The following RASA1 variants were observed in gnomAD, a reference collection of about 807,000 sequenced individuals.
RASA1 encodes ras GTPase-activating protein 1.
RASA1 carries 25 observed loss-of-function variants against 132.2 expected under a neutral mutation model. That is an observed-to-expected ratio of 0.19 (90% CI 0.14 to 0.26). The LOEUF (loss-of-function observed/expected upper bound fraction) is 0.26. Among genes scored for constraint, RASA1 ranks in the 10% least tolerant of loss-of-function variants. RASA1 has a pLI of 1.00. For missense variants in RASA1, 964 were observed against 1,299.2 expected, an observed-to-expected ratio of 0.74 and a Z score of 3.97; for synonymous variants, 477 against 449.9, an observed-to-expected ratio of 1.06 and a Z score of -0.76.
chr5:87,379,670 T>A (rs1761571854), intron 18 of RASA1, 65 bp from the exon 19 acceptor site: 1 of 1,581,678 alleles, frequency 6.3e-7, no homozygotes, highest in Non-Finnish European at 8.6e-7. Context: ...ACTACTTGTT[T>A]TCCTCTATTC....
chr5:87,268,594 C>T lies in RASA1; in HGVS notation c.143C>T (p.Pro48Leu). ...GCGGCCCTGCCTGTGGCAGCCGCCC[C>T]CTATCCTGGGCTGGTGGAGACCGGA... ...IPAALPVAAA[P>L]YPGLVETGVA... Residue 48 changes from proline to leucine, a missense_variant, in exon 1 of 25, where the codon CCC becomes CTC. By Grantham distance (98) the Pro-to-Leu change is moderately conservative. This residue lies in a region of RASA1 where 326 missense variants were observed against 275.8 expected (regional missense o/e 1.18). Coordinates refer to ENST00000274376, the MANE Select transcript of RASA1 (RefSeq NM_002890.3). The T allele has an allele frequency of 1.2e-6, 2 of 1,611,106 alleles. No homozygotes were observed. Among genetic ancestry groups the T allele is most frequent in the South Asian group, 1.1e-5 (1 of 90,658 alleles).
At chr5:87,383,842 T>C (rs1341393920) in intron 21 of RASA1, 62 bp downstream of exon 21, 3 of 1,370,980 alleles carry the variant, frequency 2.2e-6, no homozygotes, top group Admixed American at 1.8e-5. Flanking sequence ...TCATACTATT[T>C]AAGAATACTC....
At chr5:87,273,684 TTTTC>T (rs1047011223) in intron 1 of RASA1, among the ~76,000 whole-genome samples, 5 of 151,194 alleles carry the variant, frequency 3.3e-5, no homozygotes, top group African/African-American at 4.9e-5. Context: ...TAGAGATTTC[TTTTC>T]TTTTTCTTTT....
rs113499653 is a variant in RASA1, at chr5:87,351,112, G to A, written c.1253+1748G>A. On this transcript the variant is annotated intron_variant, in intron 8 of 24. Transcript: ENST00000274376. ...TAAACATGAGACCTTGATAAAGAGG[G>A]ATAGTAGTTATGTCTTTCATTTAGA... Among the ~76,000 whole-genome samples the A allele has an allele frequency of 1.4e-3, 215 of 151,442 alleles. 1 individual carries two copies. The highest frequency in any genetic ancestry group is 5.0e-3 in the African/African-American group (205 of 41,406).
chr5:87,337,856 C>G (rs1758085368), intron 4 of RASA1, 118 bp from the exon 5 acceptor site: 2 of 1,121,690 alleles, frequency 1.8e-6, no homozygotes, highest in Non-Finnish European at 2.4e-6. Flanking sequence ...GTGTTTGACT[C>G]TAATTCCTTA....
At chr5:87,380,702 T>G in intron 20 of RASA1, 107 bp downstream of exon 20, 1 of 1,038,260 alleles carries the variant, frequency 9.6e-7, no homozygotes, top group African/African-American at 1.6e-5. Context: ...TTGGCTTTTA[T>G]GTCAAAGCCC....
At chr5:87,338,614 C>T (rs1758205310) in intron 5 of RASA1, among the ~76,000 whole-genome samples, 2 of 147,870 alleles carry the variant, frequency 1.4e-5, no homozygotes, top group African/African-American at 5.0e-5. Flanking sequence ...TCAAGTGTTC[C>T]ACCCGCCTTA....
chr5:87,363,953 T>A (rs1316496109), intron 11 of RASA1, among the ~76,000 whole-genome samples: 1 of 152,056 alleles, frequency 6.6e-6, no homozygotes, highest in Non-Finnish European at 1.5e-5. Flanking sequence ...TTAAAAAAAA[T>A]TCTTATGTTG....
At chr5:87,344,045 A>C (rs1758667334) in intron 6 of RASA1, among the ~76,000 whole-genome samples, 1 of 152,154 alleles carries the variant, frequency 6.6e-6, no homozygotes, top group Admixed American at 6.6e-5. Context: ...AGATAGTAGA[A>C]TGATGGTTAC....
chr5:87,370,052 A>G (rs1265893106), intron 12 of RASA1, 152 bp downstream of exon 12: 1 of 762,130 alleles, frequency 1.3e-6, no homozygotes, highest in South Asian at 1.8e-5. Flanking sequence ...TTTCATATGT[A>G]AAAAGTTTTC....
intron 1 of RASA1, among the ~76,000 whole-genome samples, chr5:87,303,238 T>C (rs1755458818): frequency 6.6e-6 from 1 of 152,238 alleles, no homozygotes; most frequent in Middle Eastern, 3.2e-3. Context: ...TTTTCATTTG[T>C]TCAGTCTTCT....
intron 1 of RASA1, among the ~76,000 whole-genome samples, chr5:87,326,119 G>T (rs1225282385): frequency 6.6e-6 from 1 of 152,086 alleles, no homozygotes; most frequent in Non-Finnish European, 1.5e-5. Context: ...TCATAGGTAT[G>T]TGCCACCATG....
rs3789174 is a variant in RASA1, at chr5:87,331,012, A to G, written c.540-336A>G. On this transcript the variant is annotated intron_variant, in intron 1 of 24. Coordinates refer to ENST00000274376, the MANE Select transcript of RASA1 (RefSeq NM_002890.3). ...GTAAATTAATCATTTCCATTTGTCT[A>G]TCTTTTATTTTTCTAAGTAAAGATC... The G allele has an allele frequency of 1.0e-5, 14 of 1,377,460 alleles. No homozygotes were observed. The East Asian group carries it at 1.8e-4, about 17-fold the overall frequency. The allele number at this position is 1,377,460 out of a possible 1,614,324, so 85.3% of individuals were successfully genotyped here.
intron 6 of RASA1, among the ~76,000 whole-genome samples, chr5:87,346,115 T>C (rs1475609735): frequency 1.3e-5 from 2 of 152,090 alleles, no homozygotes; most frequent in African/African-American, 4.8e-5. Context: ...CCTAGTTTGA[T>C]AGGCTGTTAG....
chr5:87,308,619 T>C (rs1452903184), intron 1 of RASA1, among the ~76,000 whole-genome samples: 1 of 152,210 alleles, frequency 6.6e-6, no homozygotes, highest in African/African-American at 2.4e-5. Flanking sequence ...TATATATATG[T>C]ATAATGTACA....
At chr5:87,272,902 C>T (rs754413752) in intron 1 of RASA1, among the ~76,000 whole-genome samples, 1 of 152,158 alleles carries the variant, frequency 6.6e-6, no homozygotes, top group Non-Finnish European at 1.5e-5. Flanking sequence ...GCCTTAAAGA[C>T]ATTTTCAAAT....
intron 4 of RASA1, 67 bp downstream of exon 4, chr5:87,333,404 T>TG: frequency 6.3e-7 from 1 of 1,589,936 alleles, no homozygotes; most frequent in Non-Finnish European, 8.5e-7. Context: ...TTATTACTCT[T>TG]GGACTAGGAA....
At chr5:87,385,516 G>C (rs1437063353) in intron 22 of RASA1, 127 bp downstream of exon 22, 2 of 740,030 alleles carry the variant, frequency 2.7e-6, no homozygotes, top group Admixed American at 4.6e-5. Context: ...ATTTTTGTTG[G>C]TATGTTTGTT....
At chr5:87,355,544 A>C (rs749123094) in intron 9 of RASA1, among the ~76,000 whole-genome samples, 5 of 152,192 alleles carry the variant, frequency 3.3e-5, no homozygotes, top group Admixed American at 6.5e-5. Flanking sequence ...CTCTACAATC[A>C]AGAGCTCAGA....
Sources: gnomAD v4.1 joint callset for allele counts (sites outside exome capture counted in the v4.1 genomes callset) on GRCh38, gnomAD v4.1.1 for gene constraint, gnomAD v4.1.1 regional missense constraint, MANE v1.5 for transcripts, NCBI Gene and HGNC (gene_info 2026-07-23, HGNC 2026-07-21) for gene names.